PCNX1: variants seen among roughly 807,000 people sequenced by gnomAD.
The protein encoded by PCNX1 is pecanex 1, also known as pecanex-like protein 1.
A neutral mutation model predicts 242.2 loss-of-function variants in PCNX1; 78 were observed. The observed-to-expected ratio is 0.32, with a 90% CI of 0.27 to 0.39. The LOEUF is 0.39. Among genes scored for constraint, PCNX1 ranks in the 10% least tolerant of loss-of-function variants. The pLI is 1.00. For missense variants in PCNX1, 2,581 were observed against 2,856.5 expected, an observed-to-expected ratio of 0.90 and a Z score of 2.20; for synonymous variants, 1,024 against 1,032.9, an observed-to-expected ratio of 0.99 and a Z score of 0.17.
At chr14:70,912,621 C>G (rs2055971720) in intron 1 of PCNX1, among the ~76,000 whole-genome samples, 2 of 151,698 alleles carry the variant, frequency 1.3e-5, no homozygotes, top group African/African-American at 4.8e-5. Flanking sequence ...TTGCTTATCC[C>G]CCACCCCTTG....
chr14:70,910,005 C>T (rs1003555900), intron 1 of PCNX1, among the ~76,000 whole-genome samples: 1 of 137,260 alleles, frequency 7.3e-6, no homozygotes, highest in African/African-American at 2.8e-5. Context: ...GCTGTATCTT[C>T]AAAACCTAAC....
chr14:71,018,794 A>T (rs1328245371), intron 11 of PCNX1, among the ~76,000 whole-genome samples: 1 of 152,180 alleles, frequency 6.6e-6, no homozygotes, highest in Non-Finnish European at 1.5e-5. Flanking sequence ...TCCACAATTC[A>T]CTGTAGCATG....
chr14:71,059,252 TA>T (rs1464179577), intron 26 of PCNX1, among the ~76,000 whole-genome samples: 1 of 152,216 alleles, frequency 6.6e-6, no homozygotes, highest in Non-Finnish European at 1.5e-5. Context: ...AACTTTTGGA[TA>T]AATCTTTTGC....
chr14:71,028,172 C>T (rs2060287350), intron 15 of PCNX1, among the ~76,000 whole-genome samples: 1 of 151,800 alleles, frequency 6.6e-6, no homozygotes, highest in African/African-American at 2.4e-5. Flanking sequence ...ATTAGAGCTA[C>T]AGTGTCTAAA....
chr14:70,927,873 C>T (rs1594917633), intron 1 of PCNX1, among the ~76,000 whole-genome samples: 1 of 152,114 alleles, frequency 6.6e-6, no homozygotes, highest in East Asian at 1.9e-4. Context: ...CAGGTGTGAG[C>T]CACTGCGCCA....
At chr14:71,092,388 A>G (rs759451563) in intron 30 of PCNX1, among the ~76,000 whole-genome samples, 12 of 152,238 alleles carry the variant, frequency 7.9e-5, no homozygotes, top group Non-Finnish European at 1.2e-4. Flanking sequence ...ATGGCAGCTT[A>G]AAGCATAAGG....
chr14:71,022,266 G>A (rs762175446), intron 12 of PCNX1, among the ~76,000 whole-genome samples: 1 of 151,940 alleles, frequency 6.6e-6, no homozygotes, highest in Non-Finnish European at 1.5e-5. Flanking sequence ...TTCATTTTGC[G>A]GCTCTAGTGT....
chr14:71,052,800 G>A (rs1174178806), intron 24 of PCNX1, among the ~76,000 whole-genome samples: 4 of 151,864 alleles, frequency 2.6e-5, no homozygotes, highest in Non-Finnish European at 5.9e-5. Flanking sequence ...TAGTTCCTTG[G>A]GCTAGCTACT....
intron 23 of PCNX1, 25 bp from the exon 24 acceptor site, chr14:71,051,857 AG>A: frequency 6.2e-7 from 1 of 1,607,020 alleles, no homozygotes. Context: ...GATGAATGTC[AG>A]TGTCCTTAAC....
In PCNX1 at chr14:70,976,976, C is replaced by G; in HGVS notation, c.639C>G (p.Val213=). 1 of 1,613,666 alleles carries G rather than the reference C, an allele frequency of 6.2e-7. No individual in the cohort carries two copies. The highest frequency in any genetic ancestry group is 1.1e-5 in the South Asian group (1 of 91,048). ...LAADRKLFRL[V]SNDSFISIQP... Reference sequence around the variant, plus strand: ...CTGATCGGAAGCTCTTTCGTCTTGTCTCCAATGACTCCTTCATCTCTATTC... The same window carrying G: ...CTGATCGGAAGCTCTTTCGTCTTGTGTCCAATGACTCCTTCATCTCTATTC... The change falls in exon 6 of 36, where the codon GTC becomes GTG. Residue 213 remains valine, a synonymous_variant. Transcript: ENST00000304743.
chr14:70,944,624 C>A (rs148302978), intron 1 of PCNX1, among the ~76,000 whole-genome samples: 1 of 152,038 alleles, frequency 6.6e-6, no homozygotes, highest in Non-Finnish European at 1.5e-5. Context: ...GTTGGCAGCA[C>A]GTGATTGTGT....
At position 70,907,726 on chromosome 14, in the gene PCNX1, C is replaced by A. The variant is rs963006841; in HGVS notation, c.-125C>A. The stretch of plus-strand genomic sequence containing the variant: ...ACCAGCGACCGCCGAAGCGCCGGCT[C>A]GCTCACCCGGAGCTCCGGAGGTGGA... On this transcript the variant is annotated 5_prime_UTR_variant, in exon 1 of 36. The change creates a premature stop within an existing upstream ORF in the 5' untranslated region. Transcript: ENST00000304743. 1.8e-6 allele frequency: 2 copies of A among 1,119,700 alleles called. No homozygotes were observed. The highest frequency in any genetic ancestry group is 2.2e-6 in the Non-Finnish European group (2 of 904,196). The allele number at this position is 1,119,700 out of a possible 1,614,324, so 69.4% of individuals were successfully genotyped here.
rs374758493 is a variant in PCNX1, at chr14:70,936,130, AT to A, written c.154-10779del. Among the ~76,000 whole-genome samples the A allele has an allele frequency of 2.2e-4, 34 of 152,146 alleles. No individual in the cohort carries two copies. The East Asian group carries it at 6.4e-3, about 28-fold the overall frequency. On this transcript the variant is annotated intron_variant, in intron 1 of 35. Transcript: ENST00000304743. ...TTAAACAACTAGGAATTTTATTTTTATTTTTTATTTTTTATTATACTTTAAG... is the reference window on the plus strand; with the variant it reads ...TTAAACAACTAGGAATTTTATTTTTATTTTTATTTTTTATTATACTTTAAG...
intron 26 of PCNX1, among the ~76,000 whole-genome samples, chr14:71,061,660 A>G (rs558550772): frequency 1.3e-5 from 2 of 152,354 alleles, no homozygotes; most frequent in South Asian, 2.1e-4. Flanking sequence ...GATGTCACCA[A>G]TATGGGTATG....
At chr14:71,004,660 G>A (rs756925032) in intron 8 of PCNX1, among the ~76,000 whole-genome samples, 1 of 152,144 alleles carries the variant, frequency 6.6e-6, no homozygotes, top group African/African-American at 2.4e-5. Flanking sequence ...TAACCAGTAA[G>A]CAGCAATATA....
At chr14:70,917,878 T>C (rs1464481226) in intron 1 of PCNX1, among the ~76,000 whole-genome samples, 1 of 152,266 alleles carries the variant, frequency 6.6e-6, no homozygotes, top group African/African-American at 2.4e-5. Flanking sequence ...TGTTGTTTGG[T>C]GTAGCCACCA....
intron 1 of PCNX1, among the ~76,000 whole-genome samples, chr14:70,941,793 C>A (rs1458826195): frequency 6.6e-6 from 1 of 152,206 alleles, no homozygotes; most frequent in Non-Finnish European, 1.5e-5. Flanking sequence ...TTAGAGCTTC[C>A]TGGCAGCTTT....
chr14:71,012,995 C>T lies in PCNX1; in HGVS notation c.2789C>T (p.Pro930Leu). The T allele has an allele frequency of 6.2e-7, 1 of 1,611,962 alleles. No individual in the cohort carries two copies. The highest frequency in any genetic ancestry group is 8.5e-7 in the Non-Finnish European group (1 of 1,178,124). Residue 930 changes from proline (P) to leucine (L), a missense_variant, in exon 11 of 36, where the codon CCA becomes CTA. This residue lies in a region of PCNX1 where 1,204 missense variants were observed against 1,216.7 expected (regional missense o/e 0.99). Coordinates refer to ENST00000304743, the MANE Select transcript of PCNX1 (RefSeq NM_014982.3). ...RFYPHDVLSL[P>L]QIRLNRLLTI... ...CTGACTTTCTTTTAGCTCTCTCTCCCACAGATTCGATTGAATAGACTATTG... is the reference window on the plus strand; with the variant it reads ...CTGACTTTCTTTTAGCTCTCTCTCCTACAGATTCGATTGAATAGACTATTG...
Position 70,907,787 on chromosome 14 carries a change from C to CGAGCTG in PCNX1, c.-62_-57dup. On this transcript the variant is annotated 5_prime_UTR_variant, in exon 1 of 36. Coordinates refer to ENST00000304743, the MANE Select transcript of PCNX1 (RefSeq NM_014982.3). ...AGCTGCAGGCTCCGGCGACCGAGGC[C>CGAGCTG]GAGCTGGGGCCGGGGCGGGGACGGC... 1 of 1,208,560 alleles carries CGAGCTG rather than the reference C, an allele frequency of 8.3e-7. No homozygotes were observed. Among genetic ancestry groups the CGAGCTG allele is most frequent in the South Asian group, 4.0e-5 (1 of 25,138 alleles). 74.9% of individuals were successfully genotyped at this position (1,208,560 alleles called of 1,614,324 possible).
Sources: gnomAD v4.1 joint callset for allele counts (sites outside exome capture counted in the v4.1 genomes callset) on GRCh38, gnomAD v4.1.1 for gene constraint, gnomAD v4.1.1 regional missense constraint, MANE v1.5 for transcripts, NCBI Gene and HGNC (gene_info 2026-07-23, HGNC 2026-07-21) for gene names.